Variants in ARMC8 observed in about 807,000 individuals in gnomAD.
ARMC8 encodes the protein armadillo repeat containing 8.
ARMC8 carries 20 observed loss-of-function variants against 99.3 expected under a neutral mutation model. The ratio of observed to expected loss-of-function variants is 0.20; its 90% CI spans 0.14 to 0.29. ARMC8 has a LOEUF of 0.29. Ranked by LOEUF, ARMC8 falls within the 10% of genes least tolerant of loss-of-function variation. ARMC8 has a pLI of 1.00. For synonymous variants in ARMC8, 263 were observed against 278.3 expected (o/e 0.95, Z 0.55); for missense variants, 569 against 809.5 (o/e 0.70, Z 3.60).
At chr3:138,291,820 A>G (rs1275753065) in intron 21 of ARMC8, among the ~76,000 whole-genome samples, 4 of 152,164 alleles carry the variant, frequency 2.6e-5, no homozygotes, top group Non-Finnish European at 5.9e-5. Context: ...TGAACTTGGT[A>G]TGTTCAAGAA....
At chr3:138,270,261 T>G (rs2048664787) in intron 16 of ARMC8, 129 bp downstream of exon 16, 1 of 707,192 alleles carries the variant, frequency 1.4e-6, no homozygotes, top group African/African-American at 1.8e-5. Context: ...TTTGTTCTAG[T>G]TTTCTAATGA....
At chr3:138,281,702 G>T (rs1445747069) in intron 18 of ARMC8, among the ~76,000 whole-genome samples, 2 of 152,098 alleles carry the variant, frequency 1.3e-5, no homozygotes, top group African/African-American at 4.8e-5. Context: ...TCAAGCCTGG[G>T]GATGCATGGG....
At chr3:138,276,181 T>C (rs751189439) in intron 18 of ARMC8, among the ~76,000 whole-genome samples, 5 of 152,162 alleles carry the variant, frequency 3.3e-5, no homozygotes, top group Admixed American at 6.5e-5. Flanking sequence ...GATCTGGAAA[T>C]AGGCGAGTAT....
intron 6 of ARMC8, among the ~76,000 whole-genome samples, chr3:138,233,495 A>G (rs916314536): frequency 3.3e-5 from 5 of 152,226 alleles, no homozygotes; most frequent in African/African-American, 1.2e-4. Context: ...TGAGCAAACT[A>G]TGGAGTACTG....
intron 11 of ARMC8, among the ~76,000 whole-genome samples, chr3:138,242,257 C>T (rs913193146): frequency 6.6e-6 from 1 of 152,180 alleles, no homozygotes; most frequent in Admixed American, 6.5e-5. Context: ...ATTCTCCAAG[C>T]TGGGTATTGA....
intron 12 of ARMC8, among the ~76,000 whole-genome samples, chr3:138,255,379 T>C (rs894017710): frequency 8.6e-5 from 13 of 151,938 alleles, no homozygotes; most frequent in African/African-American, 3.1e-4. Flanking sequence ...ATTTTTTGTA[T>C]TTTTAGTAGA....
In ARMC8 at chr3:138,264,225, G is replaced by T; in HGVS notation, c.1299+13G>T. The T allele has an allele frequency of 1.2e-6, 2 of 1,611,366 alleles. No homozygotes were observed. The highest frequency in any genetic ancestry group is 1.7e-6 in the Non-Finnish European group (2 of 1,177,648). On this transcript the variant is annotated intron_variant, in intron 14 of 21. Transcript: ENST00000469044. Reference sequence around the variant, plus strand: ...ACCTTTAATGAAGGTAAGAAGAAAGGGTCAGCCAGTAACAGCTGTACTCAC... The same window carrying T: ...ACCTTTAATGAAGGTAAGAAGAAAGTGTCAGCCAGTAACAGCTGTACTCAC...
intron 7 of ARMC8, among the ~76,000 whole-genome samples, chr3:138,236,290 G>C (rs1235845161): frequency 6.6e-6 from 1 of 152,162 alleles, no homozygotes; most frequent in Non-Finnish European, 1.5e-5. Context: ...CCTCTTTCCT[G>C]TGCCATGCAA....
chr3:138,216,076 A>G (rs1436006583), intron 2 of ARMC8, among the ~76,000 whole-genome samples: 1 of 131,420 alleles, frequency 7.6e-6, no homozygotes, highest in Non-Finnish European at 1.6e-5. Context: ...TTAAGTAGAG[A>G]TGGGGTTTCA....
chr3:138,289,098 C>T lies in ARMC8; in HGVS notation c.1872C>T (p.Asn624=). The T allele has an allele frequency of 6.2e-7, 1 of 1,613,114 alleles. No individual in the cohort carries two copies. Among genetic ancestry groups the T allele is most frequent in the Non-Finnish European group, 8.5e-7 (1 of 1,179,398 alleles). Residue 624 remains asparagine (N), a synonymous_variant, in exon 20 of 22, where the codon AAC becomes AAT. Transcript: ENST00000469044. ...TTGCAGCCATGTTTTGTATATCAAA[C>T]CTCATATGGAATGAAGAGGAAGGTA... The part of the protein sequence containing the change: ...LQLAAMFCIS[N]LIWNEEEGSQ...
intron 1 of ARMC8, among the ~76,000 whole-genome samples, chr3:138,205,006 C>G (rs746902018): frequency 1.1e-4 from 17 of 151,382 alleles, no homozygotes; most frequent in Non-Finnish European, 2.2e-4. Flanking sequence ...TTCAGACCTC[C>G]TACAGTCTTC....
At position 138,296,078 on chromosome 3, in the gene ARMC8, T is replaced by C; in HGVS notation, c.*186T>C. 3 of 524,736 alleles carry C rather than the reference T, an allele frequency of 5.7e-6. No individual in the cohort carries two copies. Among genetic ancestry groups the C allele is most frequent in the Non-Finnish European group, 9.9e-6 (3 of 303,656 alleles). 32.5% of individuals were successfully genotyped at this position (524,736 alleles called of 1,614,324 possible). Reference sequence around the variant, plus strand: ...AGAACATTTTTTTGAGGTAGTAATTTCCTCAGAAGACTCTTGTGTTTTGTT... The same window carrying C: ...AGAACATTTTTTTGAGGTAGTAATTCCCTCAGAAGACTCTTGTGTTTTGTT... On this transcript the variant is annotated 3_prime_UTR_variant, in exon 22 of 22. Coordinates refer to ENST00000469044, the MANE Select transcript of ARMC8 (RefSeq NM_001363941.2).
At chr3:138,289,214 G>A (rs2050716838) in intron 20 of ARMC8, 94 bp downstream of exon 20, 1 of 991,886 alleles carries the variant, frequency 1.0e-6, no homozygotes, top group Non-Finnish European at 1.5e-6. Context: ...CTGGGCAGAG[G>A]CTCTGTTCTT....
chr3:138,212,638 A>C (rs908688490), intron 2 of ARMC8, among the ~76,000 whole-genome samples: 1 of 152,152 alleles, frequency 6.6e-6, no homozygotes. Flanking sequence ...ATATGTATAG[A>C]AAAAGGGAAT....
At chr3:138,213,499 T>A (rs1367351955) in intron 2 of ARMC8, among the ~76,000 whole-genome samples, 1 of 152,164 alleles carries the variant, frequency 6.6e-6, no homozygotes, top group Non-Finnish European at 1.5e-5. Context: ...ACTGAATAGA[T>A]GATCATTAAG....
rs2046508547 is a variant in ARMC8, at chr3:138,239,625, A to G, written c.837+97A>G. On this transcript the variant is annotated intron_variant, in intron 10 of 21. Coordinates refer to ENST00000469044, the MANE Select transcript of ARMC8 (RefSeq NM_001363941.2). Reference sequence around the variant, plus strand: ...TATTTCATTTTACACATTTATCATTATGATATATGTGCATGGCGTAGAATA... The same window carrying G: ...TATTTCATTTTACACATTTATCATTGTGATATATGTGCATGGCGTAGAATA... The G allele has an allele frequency of 5.4e-6, 4 of 742,648 alleles. No individual in the cohort carries two copies. In the South Asian group the frequency reaches 7.9e-5, roughly 15 times the overall value. The allele number at this position is 742,648 out of a possible 1,614,324, so 46.0% of individuals were successfully genotyped here.
intron 1 of ARMC8, among the ~76,000 whole-genome samples, chr3:138,208,389 C>T (rs1257160616): frequency 6.6e-6 from 1 of 152,178 alleles, no homozygotes; most frequent in Admixed American, 6.5e-5. Context: ...TTGCTTGAAC[C>T]CGAGAGGCGG....
chr3:138,233,774 A>G (rs547157897), intron 6 of ARMC8, among the ~76,000 whole-genome samples: 1 of 152,330 alleles, frequency 6.6e-6, no homozygotes, highest in African/African-American at 2.4e-5. Context: ...GTTTGAGAGC[A>G]CTTGCTGGAC....
At chr3:138,287,503 G>T in intron 19 of ARMC8, 59 of 327,282 alleles carry the variant, frequency 1.8e-4, no homozygotes, top group Non-Finnish European at 2.6e-4. Context: ...AAAAAATATT[G>T]AATGATGAAT....
Sources: allele counts gnomAD v4.1 joint callset (sites outside exome capture counted in the v4.1 genomes callset), GRCh38; gene constraint gnomAD v4.1.1; transcripts MANE v1.5; gene names NCBI Gene and HGNC (gene_info 2026-07-23, HGNC 2026-07-21).